The following BRINP3 variants were observed in gnomAD, a reference collection of about 807,000 sequenced individuals.
The protein encoded by BRINP3 is BMP/retinoic acid-inducible neural-specific protein 3.
In BRINP3, 19 loss-of-function variants were observed where a neutral mutation model predicts 71.0. The observed-to-expected ratio is 0.27, with a 90% CI of 0.19 to 0.39. The LOEUF (loss-of-function observed/expected upper bound fraction) is 0.39, where lower values mean the gene tolerates loss of function less well. BRINP3 is among the 10% of genes least tolerant of loss of function. BRINP3 has a pLI of 1.00. For synonymous variants in BRINP3, 380 were observed against 337.7 expected (o/e 1.13, Z -1.37); for missense variants, 959 against 940.8 (o/e 1.02, Z -0.25).
chr1:190,113,422 C>A (rs903563504), intron 7 of BRINP3, among the ~76,000 whole-genome samples: 1 of 152,132 alleles, frequency 6.6e-6, no homozygotes, highest in African/African-American at 2.4e-5. Flanking sequence ...TCTGAAACAA[C>A]TTGTCAGTAC....
At chr1:190,276,492 T>A (rs1488124202) in intron 3 of BRINP3, among the ~76,000 whole-genome samples, 2 of 151,552 alleles carry the variant, frequency 1.3e-5, no homozygotes, top group Admixed American at 1.3e-4. Context: ...ACCCAAAAAA[T>A]TATAATTGAT....
chr1:190,165,697 A>C (rs35495431), intron 6 of BRINP3, among the ~76,000 whole-genome samples: 55,555 of 151,396 alleles, frequency 0.37, 10,244 homozygotes, highest in Middle Eastern at 0.42. Flanking sequence ...GCAAAAAAAA[A>C]AAAAATTCTA....
At chr1:190,201,301 G>C (rs537894628) in intron 6 of BRINP3, among the ~76,000 whole-genome samples, 1 of 152,246 alleles carries the variant, frequency 6.6e-6, no homozygotes, top group Admixed American at 6.5e-5. Context: ...GAGCTCGAGA[G>C]AGATGATTTA....
At chr1:190,099,214 T>C in intron 7 of BRINP3, 80 bp from the exon 8 acceptor site, 4 of 1,379,078 alleles carry the variant, frequency 2.9e-6, no homozygotes, top group Admixed American at 2.5e-5. Flanking sequence ...TCAGAAATCT[T>C]TGCTATCATT....
At chr1:190,337,622 G>A (rs1172502993) in intron 2 of BRINP3, among the ~76,000 whole-genome samples, 2 of 151,996 alleles carry the variant, frequency 1.3e-5, no homozygotes, top group African/African-American at 4.8e-5. Context: ...CCAGTCATTT[G>A]CCAGGGGCTC....
chr1:190,148,468 C>T (rs1211237204), intron 7 of BRINP3, among the ~76,000 whole-genome samples: 4 of 151,252 alleles, frequency 2.6e-5, no homozygotes, highest in East Asian at 2.0e-4. Context: ...TGGTGGCGGG[C>T]GCCTGTAGTC....
At chr1:190,307,721 C>A (rs1162707211) in intron 2 of BRINP3, among the ~76,000 whole-genome samples, 1 of 151,788 alleles carries the variant, frequency 6.6e-6, no homozygotes, top group Non-Finnish European at 1.5e-5. Context: ...AAAGAGCTTC[C>A]ATATTAAGAA....
chr1:190,229,914 T>A (rs1306950933), intron 5 of BRINP3, among the ~76,000 whole-genome samples: 2 of 151,870 alleles, frequency 1.3e-5, no homozygotes, highest in African/African-American at 4.8e-5. Flanking sequence ...GAATGATAAA[T>A]TAATTTCAAT....
At chr1:190,108,366 G>A (rs1029631305) in intron 7 of BRINP3, among the ~76,000 whole-genome samples, 1 of 151,552 alleles carries the variant, frequency 6.6e-6, no homozygotes, top group Non-Finnish European at 1.5e-5. Context: ...GTGCGCACAC[G>A]CTGGTATAAA....
At chr1:190,378,281 A>C (rs1310153992) in intron 2 of BRINP3, among the ~76,000 whole-genome samples, 1 of 152,186 alleles carries the variant, frequency 6.6e-6, no homozygotes, top group Non-Finnish European at 1.5e-5. Flanking sequence ...CAGAAAAAAA[A>C]CAAAAATGCT....
chr1:190,135,331 T>C (rs891655155), intron 7 of BRINP3, among the ~76,000 whole-genome samples: 8 of 152,112 alleles, frequency 5.3e-5, no homozygotes, highest in Admixed American at 1.3e-4. Flanking sequence ...CCTGTTTCAG[T>C]TATGCTTGGG....
intron 7 of BRINP3, among the ~76,000 whole-genome samples, chr1:190,153,487 A>T (rs1311831813): frequency 6.6e-6 from 1 of 152,158 alleles, no homozygotes; most frequent in African/African-American, 2.4e-5. Context: ...TTGTAAATTT[A>T]CTGCTTCATT....
intron 6 of BRINP3, among the ~76,000 whole-genome samples, chr1:190,198,792 T>A (rs1275383815): frequency 6.6e-6 from 1 of 152,154 alleles, no homozygotes; most frequent in East Asian, 1.9e-4. Context: ...TCTAAGAAGT[T>A]CCAAACTTTC....
intron 2 of BRINP3, among the ~76,000 whole-genome samples, chr1:190,322,469 T>C (rs1666306994): frequency 6.6e-6 from 1 of 151,902 alleles, no homozygotes; most frequent in South Asian, 2.1e-4. Flanking sequence ...CAGAACACCA[T>C]GGATTGCGTA....
chr1:190,408,090 C>T (rs1296706865), intron 2 of BRINP3, among the ~76,000 whole-genome samples: 4 of 138,642 alleles, frequency 2.9e-5, no homozygotes, highest in Non-Finnish European at 4.5e-5. Context: ...GGCACGATCT[C>T]GGCTCACTGC....
intron 6 of BRINP3, among the ~76,000 whole-genome samples, chr1:190,188,182 G>T (rs1391126210): frequency 6.6e-6 from 1 of 151,920 alleles, no homozygotes; most frequent in African/African-American, 2.4e-5. Flanking sequence ...AACTGTTATT[G>T]AATAGAAATG....
chr1:190,192,443 G>C (rs577423549), intron 6 of BRINP3, among the ~76,000 whole-genome samples: 5 of 151,098 alleles, frequency 3.3e-5, no homozygotes, highest in African/African-American at 1.2e-4. Context: ...AAATGTAATC[G>C]AAAAAATTAA....
intron 6 of BRINP3, among the ~76,000 whole-genome samples, chr1:190,164,493 A>T (rs569579067): frequency 2.0e-5 from 3 of 152,252 alleles, no homozygotes; most frequent in Admixed American, 2.0e-4. Context: ...ATTATATTAC[A>T]ATTTATATTA....
At chr1:190,256,301 A>C (rs1426467371) in intron 4 of BRINP3, among the ~76,000 whole-genome samples, 1 of 151,974 alleles carries the variant, frequency 6.6e-6, no homozygotes, top group East Asian at 1.9e-4. Flanking sequence ...ATCAGAGACT[A>C]GGATTGCAAC....
Sources: gnomAD v4.1 joint callset for allele counts (sites outside exome capture counted in the v4.1 genomes callset) on GRCh38, gnomAD v4.1.1 for gene constraint, MANE v1.5 for transcripts, NCBI Gene and HGNC (gene_info 2026-07-23, HGNC 2026-07-21) for gene names.